The following CYP4F12 variants were observed in gnomAD, a reference collection of about 807,000 sequenced individuals.
The protein encoded by CYP4F12 is cytochrome P450 family 4 subfamily F member 12.
In CYP4F12, 60 loss-of-function variants were observed where a neutral mutation model predicts 56.5. The ratio of observed to expected loss-of-function variants is 1.06; its 90% CI spans 0.86 to 1.32. The LOEUF is 1.32. Among genes scored for constraint, CYP4F12 ranks in the 40% most tolerant of loss-of-function variants. The pLI, the probability that CYP4F12 is intolerant of heterozygous loss-of-function variation, is 0.00. For synonymous variants in CYP4F12, 263 were observed against 264.9 expected (o/e 0.99, Z 0.07); for missense variants, 711 against 683.5 (o/e 1.04, Z -0.45).
rs1300342870 is a variant in CYP4F12 at position 15,673,716 on chromosome 19, C to T, written c.187C>T (p.His63Tyr). 1.2e-6 allele frequency: 2 copies of T among 1,614,076 alleles called. No homozygotes were observed. The change falls in exon 2 of 13, where the codon CAC (histidine) becomes TAC (tyrosine). Residue 63 changes from histidine (H) to tyrosine (Y), a missense_variant. Physicochemically the swap from His to Tyr is moderately conservative, Grantham distance 83. Transcript: ENST00000550308. Reference protein sequence around the residue: ...QPPKRNWFWGHLGLITPTEEG... With the variant: ...QPPKRNWFWGYLGLITPTEEG... ...CCCAAAACGGAACTGGTTTTGGGGT[C>T]ACCTGGGCCTGGTGAGTGTGACAGC...
chr19:15,687,397 T>C (rs1419131213), intron 9 of CYP4F12, among the ~76,000 whole-genome samples: 3 of 152,254 alleles, frequency 2.0e-5, no homozygotes, highest in Non-Finnish European at 4.4e-5. Context: ...GAACACAGAC[T>C]TCTTCTATAC....
In CYP4F12 at chr19:15,696,910, A is replaced by T. The variant is rs61391486; in HGVS notation, c.1400A>T (p.Asn467Ile). The T allele has an allele frequency of 6.2e-7, 1 of 1,611,684 alleles. No homozygotes were observed. The highest frequency in any genetic ancestry group is 8.5e-7 in the Non-Finnish European group (1 of 1,178,722). ...ACAGTCCCCACTCCCGCCTGCAGGA[A>T]CTGCATCGGGCAGGCGTTCGCCATG... is the stretch of plus-strand genomic sequence containing the variant. ...AFIPFSAGPR[N>I]CIGQAFAMAE... Residue 467 changes from asparagine to isoleucine, a missense_variant and splice_region_variant, in exon 13 of 13, where the codon AAC becomes ATC. Physicochemically the swap from Asn to Ile is moderately radical, Grantham distance 149. Coordinates refer to ENST00000550308, the MANE Select transcript of CYP4F12 (RefSeq NM_023944.4).
chr19:15,694,885 C>T (rs1048032060), intron 9 of CYP4F12, among the ~76,000 whole-genome samples: 2 of 152,168 alleles, frequency 1.3e-5, no homozygotes, highest in Non-Finnish European at 2.9e-5. Flanking sequence ...GAAATAGGAA[C>T]ACTTTTACAC....
At chr19:15,681,020 TGA>T (rs2007269469) in intron 5 of CYP4F12, 1 of 196,362 alleles carries the variant, frequency 5.1e-6, no homozygotes, top group Non-Finnish European at 1.1e-5. Flanking sequence ...GGCTCAGCTG[TGA>T]CACCTGGACT....
Position 15,696,967 on chromosome 19 carries a change from T to C in CYP4F12, c.1457T>C (p.Leu486Pro), listed in dbSNP as rs761113466. The change falls in exon 13 of 13, where the codon CTG (leucine) becomes CCG (proline). Residue 486 changes from leucine (L) to proline (P), a missense_variant. Coordinates refer to ENST00000550308, the MANE Select transcript of CYP4F12 (RefSeq NM_023944.4). ...ATGAAAGTGGTCCTGGCGTTGATGC[T>C]GCTGCACTTCCGGTTCCTGCCAGAC... Reference protein sequence around the residue: ...AEMKVVLALMLLHFRFLPDHT... With the variant: ...AEMKVVLALMPLHFRFLPDHT... 2.5e-5 allele frequency: 40 copies of C among 1,614,220 alleles called. No individual in the cohort carries two copies. The highest frequency in any genetic ancestry group is 1.8e-4 in the South Asian group (16 of 91,090).
chr19:15,679,505 G>T (rs566716031), intron 3 of CYP4F12, among the ~76,000 whole-genome samples: 1 of 152,182 alleles, frequency 6.6e-6, no homozygotes, highest in East Asian at 1.9e-4. Context: ...ATTATACCTG[G>T]TTATATCTTT....
intron 5 of CYP4F12, chr19:15,681,369 G>A (rs1349324747): frequency 6.6e-6 from 1 of 152,186 alleles, no homozygotes; most frequent in East Asian, 1.9e-4. Context: ...GAAGTGTCTA[G>A]GATTTGTTTT....
At chr19:15,675,065 T>A (rs1307689133) in intron 2 of CYP4F12, among the ~76,000 whole-genome samples, 1 of 152,200 alleles carries the variant, frequency 6.6e-6, no homozygotes, top group Admixed American at 6.5e-5. Flanking sequence ...AGAAGAGAAG[T>A]GCAGGCAGTC....
At position 15,697,031 on chromosome 19, in the gene CYP4F12, C is replaced by T. The variant is rs142786593; in HGVS notation, c.1521C>T (p.Arg507=). Residue 507 remains arginine (R), a synonymous_variant, in exon 13 of 13, where the codon CGC becomes CGT. Transcript: ENST00000550308. ...GCAGGAAGCTGGAATTGATCATGCG[C>T]GCCGAGGGCGGGCTTTGGCTGCGGG... ...EPRRKLELIM[R]AEGGLWLRVE... The T allele has an allele frequency of 3.6e-4, 575 of 1,614,130 alleles. 3 individuals carry two copies. In the African/African-American group the frequency reaches 6.7e-3, roughly 19 times the overall value.
intron 2 of CYP4F12, among the ~76,000 whole-genome samples, chr19:15,676,627 T>C: frequency 6.0e-5 from 1 of 16,742 alleles, no homozygotes; most frequent in Non-Finnish European, 1.2e-4. Flanking sequence ...ATTCCTCTCC[T>C]CACTTACTCA....
intron 2 of CYP4F12, among the ~76,000 whole-genome samples, chr19:15,676,179 G>C (rs2006909729): frequency 6.6e-6 from 1 of 152,136 alleles, no homozygotes; most frequent in South Asian, 2.1e-4. Context: ...CTCAGGGTGG[G>C]TGGACTTCCA....
At chr19:15,696,738 CCA>C (rs1459690489) in intron 12 of CYP4F12, among the ~76,000 whole-genome samples, 168 bp from the exon 13 acceptor site, 1 of 152,186 alleles carries the variant, frequency 6.6e-6, no homozygotes, top group East Asian at 1.9e-4. Flanking sequence ...GGAGTCAGGC[CCA>C]GTCTCCGGGA....
In CYP4F12 at chr19:15,678,373, C is replaced by G. The variant is rs1260258101; in HGVS notation, c.311C>G (p.Pro104Arg). The change falls in exon 3 of 13, where the codon CCT becomes CGT. Residue 104 changes from proline (P) to arginine (R), a missense_variant. Transcript: ENST00000550308. ...ATCCCCTTCATCGTTTTATGCCACC[C>G]TGACACCATCCGGTCTATCACCAAT... ...PIIPFIVLCH[P>R]DTIRSITNAS... The G allele has an allele frequency of 1.2e-6, 2 of 1,614,190 alleles. No individual in the cohort carries two copies. The highest frequency in any genetic ancestry group is 1.7e-6 in the Non-Finnish European group (2 of 1,180,030).
chr19:15,696,362 C>T (rs2008138075), intron 11 of CYP4F12, 68 bp from the exon 12 acceptor site: 7 of 1,611,084 alleles, frequency 4.3e-6, no homozygotes, highest in Middle Eastern at 1.6e-4. Flanking sequence ...AAAACACACA[C>T]AAGTGTCTCT....
At chr19:15,684,940 G>A (rs1464796459) in intron 8 of CYP4F12, 58 bp downstream of exon 8, 10 of 1,567,362 alleles carry the variant, frequency 6.4e-6, no homozygotes, top group Non-Finnish European at 8.7e-6. Flanking sequence ...CTCAGGATCC[G>A]GGTGGGTGGA....
At chr19:15,678,652 T>C (rs1183484502) in intron 3 of CYP4F12, 14 of 480,478 alleles carry the variant, frequency 2.9e-5, no homozygotes, top group African/African-American at 2.5e-4. Flanking sequence ...GACAGAGACA[T>C]TTCCAGCCTC....
rs1199289392 is a variant in CYP4F12, at chr19:15,685,333, G to C, written c.1115+136G>C. ...TATAAAAGCAGAGGACCACAGGCAG[G>C]GCTTGATACCAAGCCTGGCTGTCAG... On this transcript the variant is annotated intron_variant, in intron 9 of 12. Coordinates refer to ENST00000550308, the MANE Select transcript of CYP4F12 (RefSeq NM_023944.4). The C allele has an allele frequency of 2.2e-6, 3 of 1,372,254 alleles. No homozygotes were observed. In the Admixed American group the frequency reaches 7.1e-5, roughly 32 times the overall value. 85.0% of individuals were successfully genotyped at this position (1,372,254 alleles called of 1,614,324 possible).
At chr19:15,676,959 A>G (rs2006970111) in intron 2 of CYP4F12, among the ~76,000 whole-genome samples, 1 of 142,236 alleles carries the variant, frequency 7.0e-6, no homozygotes, top group Admixed American at 7.0e-5. Flanking sequence ...CTCCTCACTC[A>G]CTCATTCCTG....
chr19:15,695,493 A>G (rs2008080004), intron 9 of CYP4F12, among the ~76,000 whole-genome samples: 1 of 90,578 alleles, frequency 1.1e-5, no homozygotes, highest in South Asian at 3.3e-4. Flanking sequence ...CCCTAAAAGT[A>G]TAATAATAAT....
Sources: allele counts gnomAD v4.1 joint callset (sites outside exome capture counted in the v4.1 genomes callset), GRCh38; gene constraint gnomAD v4.1.1; transcripts MANE v1.5; gene names NCBI Gene and HGNC (gene_info 2026-07-23, HGNC 2026-07-21).